SUGCT: variants seen among roughly 807,000 people sequenced by gnomAD.
The protein encoded by SUGCT is succinyl-CoA:glutarate-CoA transferase, also known as succinyl-CoA:glutarate CoA-transferase.
A neutral mutation model predicts 55.0 loss-of-function variants in SUGCT; 41 were observed. That is an observed-to-expected ratio of 0.74 (90% CI 0.58 to 0.97). The LOEUF (loss-of-function observed/expected upper bound fraction) is 0.97, where lower values mean the gene tolerates loss of function less well. Among genes scored for constraint, SUGCT ranks in the 50% least tolerant of loss-of-function variants. The probability of loss-of-function intolerance (pLI) is 0.00; values close to 1 mark genes in which losing one functional copy is unlikely to be tolerated. For synonymous variants in SUGCT, 187 were observed against 200.4 expected, an observed-to-expected ratio of 0.93 and a Z score of 0.56; for missense variants, 568 against 547.8, an observed-to-expected ratio of 1.04 and a Z score of -0.37.
rs78328203 is a variant in SUGCT, at chr7:40,456,383, C to G, written c.889-2718C>G. Among the ~76,000 whole-genome samples, 3 of 152,226 alleles carry G rather than the reference C, an allele frequency of 2.0e-5. No homozygotes were observed. In the South Asian group the frequency reaches 6.2e-4, roughly 32 times the overall value. ...ATAAGGTATATGCATAGAATAATGT[C>G]TGCAATATCATACACCTGAAATTGT... On this transcript the variant is annotated intron_variant, in intron 10 of 13. Coordinates refer to ENST00000335693, the MANE Select transcript of SUGCT (RefSeq NM_001193313.2).
chr7:40,768,274 G>A (rs1003491974), intron 13 of SUGCT, among the ~76,000 whole-genome samples: 1 of 152,074 alleles, frequency 6.6e-6, no homozygotes, highest in African/African-American at 2.4e-5. Context: ...AGTGGAAGAG[G>A]CAGTGGCTGC....
At chr7:40,351,846 G>A (rs1238388651) in intron 9 of SUGCT, among the ~76,000 whole-genome samples, 4 of 152,196 alleles carry the variant, frequency 2.6e-5, no homozygotes, top group Non-Finnish European at 2.9e-5. Context: ...AAGAAACAGA[G>A]AAGAGTTTAA....
At chr7:40,873,819 C>T in the SUGCT span, among the ~76,000 whole-genome samples, 1 of 152,166 alleles carries the variant, frequency 6.6e-6, no homozygotes, top group Non-Finnish European at 1.5e-5. Flanking sequence ...AGGTAAGACA[C>T]ATAAAGTTGA....
intron 1 of SUGCT, among the ~76,000 whole-genome samples, chr7:40,144,392 G>T (rs1022495884): frequency 2.0e-5 from 3 of 152,206 alleles, no homozygotes; most frequent in Non-Finnish European, 2.9e-5. Flanking sequence ...TAGTTTGGTA[G>T]GGTTTTCCCC....
chr7:40,974,383 A>T, the SUGCT span, among the ~76,000 whole-genome samples: 1 of 152,190 alleles, frequency 6.6e-6, no homozygotes, highest in Admixed American at 6.5e-5. Context: ...GTGGGGGTGT[A>T]ATCTGATAGG....
intron 13 of SUGCT, among the ~76,000 whole-genome samples, chr7:40,858,403 C>CAAAAAAAAAAAAAAAAAAAAAAAA (rs58628576): frequency 2.9e-5 from 1 of 34,752 alleles, no homozygotes; most frequent in African/African-American, 1.1e-4. Context: ...AATTCCATCT[C>CAAAAAAAAAAAAAAAAAAAAAAAA]AAAAAAAAAA....
intron 12 of SUGCT, among the ~76,000 whole-genome samples, chr7:40,624,344 A>T (rs1799415517): frequency 6.6e-6 from 1 of 152,222 alleles, no homozygotes; most frequent in Admixed American, 6.5e-5. Context: ...GAAAAGGAAG[A>T]CGTATATTAA....
the SUGCT span, among the ~76,000 whole-genome samples, chr7:40,895,307 C>T: frequency 6.6e-6 from 1 of 151,962 alleles, no homozygotes; most frequent in African/African-American, 2.4e-5. Flanking sequence ...TTGGGGCCTA[C>T]TTGAGGGTGG....
intron 12 of SUGCT, among the ~76,000 whole-genome samples, chr7:40,546,556 A>T (rs370953651): frequency 6.6e-6 from 1 of 152,246 alleles, no homozygotes; most frequent in Non-Finnish European, 1.5e-5. Flanking sequence ...AATTAAGCCA[A>T]TGTATTCACA....
the SUGCT span, among the ~76,000 whole-genome samples, chr7:41,014,939 T>G: frequency 2.6e-5 from 4 of 152,222 alleles, no homozygotes; most frequent in Non-Finnish European, 5.9e-5. Context: ...GGATGACACA[T>G]GGCTGGCATA....
intron 9 of SUGCT, among the ~76,000 whole-genome samples, chr7:40,407,775 T>G (rs1786459305): frequency 6.6e-6 from 1 of 151,914 alleles, no homozygotes; most frequent in South Asian, 2.1e-4. Context: ...AGAAGAAAAT[T>G]TTCATTTATA....
chr7:40,601,843 C>G (rs1798308211), intron 12 of SUGCT, among the ~76,000 whole-genome samples: 1 of 152,036 alleles, frequency 6.6e-6, no homozygotes, highest in Admixed American at 6.6e-5. Flanking sequence ...GATTGGACAC[C>G]CTTTTTCTAA....
the SUGCT span, among the ~76,000 whole-genome samples, chr7:40,937,804 G>A: frequency 1.3e-5 from 2 of 151,944 alleles, no homozygotes; most frequent in Non-Finnish European, 2.9e-5. Flanking sequence ...TCTAAATTGT[G>A]TTTTATACAC....
the SUGCT span, among the ~76,000 whole-genome samples, chr7:40,992,920 C>T: frequency 3.3e-5 from 5 of 152,064 alleles, no homozygotes; most frequent in African/African-American, 7.2e-5. Flanking sequence ...TGGACACAGA[C>T]ACAGTTATGT....
intron 12 of SUGCT, among the ~76,000 whole-genome samples, chr7:40,695,941 AG>A (rs1395802835): frequency 6.6e-6 from 1 of 152,116 alleles, no homozygotes; most frequent in Non-Finnish European, 1.5e-5. Flanking sequence ...AGGTCTGGAG[AG>A]GTTGAGTAGC....
chr7:40,866,968 G>A, the SUGCT span, among the ~76,000 whole-genome samples: 1 of 151,772 alleles, frequency 6.6e-6, no homozygotes, highest in Admixed American at 6.6e-5. Flanking sequence ...CTGGGGGAAG[G>A]TTTATTAGCT....
chr7:40,893,931 G>C, the SUGCT span, among the ~76,000 whole-genome samples: 1 of 152,016 alleles, frequency 6.6e-6, no homozygotes, highest in Non-Finnish European at 1.5e-5. Flanking sequence ...CATGGTGGCA[G>C]GCACCTGTAA....
At chr7:40,154,531 A>AG (rs1783786099) in intron 1 of SUGCT, among the ~76,000 whole-genome samples, 1 of 152,046 alleles carries the variant, frequency 6.6e-6, no homozygotes, top group African/African-American at 2.4e-5. Context: ...TTGTAGAGAT[A>AG]GGGGTCTCAC....
chr7:40,683,865 A>G (rs1784356498), intron 12 of SUGCT, among the ~76,000 whole-genome samples: 1 of 152,230 alleles, frequency 6.6e-6, no homozygotes, highest in Non-Finnish European at 1.5e-5. Context: ...CAAATGTATT[A>G]TCTAACAGTT....
Sources: gnomAD v4.1 joint callset for allele counts (sites outside exome capture counted in the v4.1 genomes callset) on GRCh38, gnomAD v4.1.1 for gene constraint, MANE v1.5 for transcripts, NCBI Gene and HGNC (gene_info 2026-07-23, HGNC 2026-07-21) for gene names.